Variants in SCN10A observed in about 807,000 individuals in gnomAD.
The protein encoded by SCN10A is sodium voltage-gated channel alpha subunit 10.
A neutral mutation model predicts 170.7 loss-of-function variants in SCN10A; 162 were observed. The observed-to-expected ratio is 0.95, with a 90% CI of 0.84 to 1.08. SCN10A has a LOEUF of 1.08. SCN10A is among the 50% of genes least tolerant of loss of function. SCN10A has a pLI of 0.00. For missense variants in SCN10A, 2,527 were observed against 2,436.9 expected (o/e 1.04, Z -0.78); for synonymous variants, 985 against 904.6 (o/e 1.09, Z -1.59).
chr3:38,726,853 A>T lies in SCN10A; in HGVS notation c.2840T>A (p.Leu947Gln), dbSNP rs1350583818. Residue 947 changes from leucine to glutamine, a missense_variant, in exon 17 of 28, where the codon CTG becomes CAG. Physicochemically the swap from Leu to Gln is moderately radical, Grantham distance 113 (BLOSUM62 -2). Coordinates refer to ENST00000449082, the MANE Select transcript of SCN10A (RefSeq NM_006514.4). ...PFPQPKAEPE[L>Q]VVKLPLSSSK... ...GCTGGAGAGTGGGAGTTTCACCACC[A>T]GCTCAGGCTCTGCCTTGGGCTGGGG... 1 of 1,614,096 alleles carries T rather than the reference A, an allele frequency of 6.2e-7. No homozygotes were observed. Among genetic ancestry groups the T allele is most frequent in the Admixed American group, 1.7e-5 (1 of 60,020 alleles).
At chr3:38,720,020 G>T (rs1254236787) in intron 20 of SCN10A, among the ~76,000 whole-genome samples, 1 of 152,242 alleles carries the variant, frequency 6.6e-6, no homozygotes, top group Non-Finnish European at 1.5e-5. Flanking sequence ...CAGTGACAGG[G>T]GGATTTACAA....
At chr3:38,770,815 G>A (rs904348484) in intron 5 of SCN10A, among the ~76,000 whole-genome samples, 2 of 152,158 alleles carry the variant, frequency 1.3e-5, no homozygotes, top group Non-Finnish European at 2.9e-5. Context: ...CCTTCCCCAA[G>A]GGTGCCTGTG....
chr3:38,722,840 A>G lies in SCN10A; in HGVS notation c.3353-428T>C, dbSNP rs543906030. ...GCTCAGCCCAGCCCAGGGTCAAATA[A>G]AACTATTAATAAAAACTCAAGTATT... is the stretch of plus-strand genomic sequence containing the variant. On this transcript the variant is annotated intron_variant, in intron 19 of 27. Transcript: ENST00000449082. Among the ~76,000 whole-genome samples the G allele has an allele frequency of 7.7e-4, 118 of 152,306 alleles. 1 individual carries two copies. Among genetic ancestry groups the G allele is most frequent in the Middle Eastern group, 6.8e-3 (2 of 294 alleles).
chr3:38,783,177 G>T lies in SCN10A; in HGVS notation c.470+5779C>A, dbSNP rs1280496696. Among the ~76,000 whole-genome samples, 6 of 152,110 alleles carry T rather than the reference G, an allele frequency of 3.9e-5. No individual in the cohort carries two copies. The East Asian group carries it at 9.7e-4, about 25-fold the overall frequency. On this transcript the variant is annotated intron_variant, in intron 4 of 27. Coordinates refer to ENST00000449082, the MANE Select transcript of SCN10A (RefSeq NM_006514.4). The stretch of plus-strand genomic sequence containing the variant: ...GGCCCAATCTCCAACATAGCAACAT[G>T]GGGGGTTTGTTTCAACATTTGAATT...
chr3:38,765,218 A>G (rs933898542), intron 5 of SCN10A, among the ~76,000 whole-genome samples: 1 of 152,192 alleles, frequency 6.6e-6, no homozygotes, highest in Non-Finnish European at 1.5e-5. Context: ...TAGTTTAATT[A>G]GATCCCATCT....
chr3:38,763,658 T>C (rs2063901054), intron 5 of SCN10A, 62 bp from the exon 6 acceptor site: 1 of 1,199,410 alleles, frequency 8.3e-7, no homozygotes, highest in Non-Finnish European at 1.2e-6. Flanking sequence ...GCATGCAGCA[T>C]AAATAAGGAT....
chr3:38,720,420 T>G (rs896447547), intron 20 of SCN10A, among the ~76,000 whole-genome samples: 2 of 152,246 alleles, frequency 1.3e-5, no homozygotes, highest in Non-Finnish European at 2.9e-5. Context: ...TACCAGCATG[T>G]TTTCAAGTGA....
intron 27 of SCN10A, 64 bp downstream of exon 27, chr3:38,701,775 G>T: frequency 6.8e-7 from 1 of 1,480,610 alleles, no homozygotes; most frequent in Non-Finnish European, 9.1e-7. Flanking sequence ...CTTGGTTTTA[G>T]AAGAGCATCC....
At chr3:38,760,536 A>G (rs1480309701) in intron 8 of SCN10A, 145 bp downstream of exon 8, 4 of 668,142 alleles carry the variant, frequency 6.0e-6, no homozygotes, top group African/African-American at 1.8e-5. Flanking sequence ...CCTCCCCATG[A>G]GCTCTGGGTT....
chr3:38,703,495 A>T (rs1446614383), intron 26 of SCN10A, among the ~76,000 whole-genome samples: 1 of 152,238 alleles, frequency 6.6e-6, no homozygotes. Flanking sequence ...CCACATCAAC[A>T]GAGCTTTTGC....
chr3:38,768,621 T>C (rs901534261), intron 5 of SCN10A, among the ~76,000 whole-genome samples: 2 of 152,198 alleles, frequency 1.3e-5, no homozygotes, highest in African/African-American at 2.4e-5. Flanking sequence ...GTTAATCTTA[T>C]GTAAATCAGA....
intron 4 of SCN10A, among the ~76,000 whole-genome samples, chr3:38,787,683 TTATTA>T (rs1449661722): frequency 2.0e-5 from 3 of 151,952 alleles, no homozygotes; most frequent in Non-Finnish European, 2.9e-5. Context: ...CTTTTTAAAA[TTATTA>T]TACTTTAAGT....
intron 4 of SCN10A, among the ~76,000 whole-genome samples, chr3:38,774,921 AC>A (rs1245435303): frequency 6.6e-6 from 1 of 151,876 alleles, no homozygotes; most frequent in African/African-American, 2.4e-5. Flanking sequence ...CATATTACAG[AC>A]CCCCAGCTGC....
At chr3:38,789,122 T>C in intron 3 of SCN10A, 86 bp from the exon 4 acceptor site, 1 of 798,336 alleles carries the variant, frequency 1.3e-6, no homozygotes. Flanking sequence ...ATGATTACAT[T>C]CATAAATCTT....
chr3:38,793,663 G>A (rs1203936539), intron 2 of SCN10A, 78 bp downstream of exon 2: 5 of 1,488,264 alleles, frequency 3.4e-6, no homozygotes, highest in Non-Finnish European at 4.6e-6. Flanking sequence ...CAGGGCCAAG[G>A]AGGACTTTCT....
At position 38,728,867 on chromosome 3, in the gene SCN10A, G is replaced by A; in HGVS notation, c.2315C>T (p.Thr772Ile). 3.1e-6 allele frequency: 5 copies of A among 1,613,080 alleles called. No individual in the cohort carries two copies. The highest frequency in any genetic ancestry group is 1.1e-5 in the South Asian group (1 of 91,064). ...GATGATCTTGATGAGTGTGTTTAAG[G>A]TGGGCCAGGATTTGGCCAGCTTGAA... ...RVFKLAKSWP[T>I]LNTLIKIIGN... is the part of the protein sequence containing the mutation. The change falls in exon 16 of 28, where the codon ACC (threonine) becomes ATC (isoleucine). Residue 772 changes from threonine to isoleucine, a missense_variant. Coordinates refer to ENST00000449082, the MANE Select transcript of SCN10A (RefSeq NM_006514.4).
chr3:38,752,910 G>A (rs1232230747), intron 11 of SCN10A, among the ~76,000 whole-genome samples: 1 of 152,220 alleles, frequency 6.6e-6, no homozygotes. Flanking sequence ...AGGCTACTAT[G>A]CACACCAGTA....
intron 4 of SCN10A, among the ~76,000 whole-genome samples, chr3:38,778,919 A>G (rs2064106107): frequency 6.6e-6 from 1 of 152,104 alleles, no homozygotes; most frequent in African/African-American, 2.4e-5. Context: ...TATACTTTTC[A>G]TAGTGTGCAT....
chr3:38,759,779 C>T (rs534829443), intron 8 of SCN10A, among the ~76,000 whole-genome samples: 103 of 152,144 alleles, frequency 6.8e-4, no homozygotes, highest in Admixed American at 1.4e-3. Context: ...ACATGGCAAC[C>T]AAAAGCTGGA....
Sources: allele counts gnomAD v4.1 joint callset (sites outside exome capture counted in the v4.1 genomes callset), GRCh38; gene constraint gnomAD v4.1.1; transcripts MANE v1.5; gene names NCBI Gene and HGNC (gene_info 2026-07-23, HGNC 2026-07-21).